The following SPCS3 variants were observed in gnomAD, a reference collection of about 807,000 sequenced individuals.
SPCS3 encodes the protein signal peptidase complex subunit 3.
A neutral mutation model predicts 17.2 loss-of-function variants in SPCS3; 9 were observed. The observed-to-expected ratio is 0.52, with a 90% CI of 0.31 to 0.91. SPCS3 has a LOEUF of 0.91. SPCS3 is among the 40% of genes least tolerant of loss of function. The pLI, the probability that SPCS3 is intolerant of heterozygous loss-of-function variation, is 0.04. For synonymous variants in SPCS3, 87 were observed against 89.6 expected (o/e 0.97, Z 0.16); for missense variants, 139 against 217.5 (o/e 0.64, Z 2.27).
intron 3 of SPCS3, chr4:176,326,815 A>T (rs1016748204): frequency 2.4e-5 from 4 of 165,814 alleles, no homozygotes; most frequent in African/African-American, 9.6e-5. Flanking sequence ...ATTTAAAAGA[A>T]TACTTCCCTT....
rs1465856923 is a variant in SPCS3 at position 176,324,444 on chromosome 4, T to C, written c.294+187T>C. 2.6e-5 allele frequency among the ~76,000 whole-genome samples: 4 copies of C among 152,100 alleles called. No homozygotes were observed. In the South Asian group the frequency reaches 8.3e-4, roughly 32 times the overall value. ...GGAGCCTTTTTGTTGTTGTTGTTGT[T>C]TGTTTGTTTGTTTTCTGTTTGTTCT... On this transcript the variant is annotated intron_variant, in intron 3 of 4. Coordinates refer to ENST00000503362, the MANE Select transcript of SPCS3 (RefSeq NM_021928.4).
rs1731510429 is a variant in SPCS3, at chr4:176,319,968, T to A, written c.-109T>A. 3.9e-6 allele frequency: 5 copies of A among 1,291,380 alleles called. No homozygotes were observed. The highest frequency in any genetic ancestry group is 3.1e-5 in the African/African-American group (2 of 64,108). The allele number at this position is 1,291,380 out of a possible 1,614,324, so 80.0% of individuals were successfully genotyped here. On this transcript the variant is annotated 5_prime_UTR_variant, in exon 1 of 5. Coordinates refer to ENST00000503362, the MANE Select transcript of SPCS3 (RefSeq NM_021928.4). ...GAGGCGGGGCTGCGGCGGCGCGCGC[T>A]CCCGGAACGCGCGCACCGCAGACGG...
Position 176,329,810 on chromosome 4 carries a change from G to A in SPCS3, c.*1480G>A, listed in dbSNP as rs1731660272. On this transcript the variant is annotated 3_prime_UTR_variant, in exon 5 of 5. Transcript: ENST00000503362. ...ACACTATTAGCAGTGACCAAAAAGGGCTAATATTTTCTAAGAATAGTTTAA... is the reference window on the plus strand; with the variant it reads ...ACACTATTAGCAGTGACCAAAAAGGACTAATATTTTCTAAGAATAGTTTAA... The A allele has an allele frequency of 6.6e-6, 1 of 151,904 alleles. No homozygotes were observed. The highest frequency in any genetic ancestry group is 2.4e-5 in the African/African-American group (1 of 41,324). 9.4% of individuals were successfully genotyped at this position (151,904 alleles called of 1,614,324 possible).
In SPCS3 at chr4:176,330,606, T is replaced by C. The variant is rs559122526; in HGVS notation, c.*2276T>C. On this transcript the variant is annotated 3_prime_UTR_variant, in exon 5 of 5. Transcript: ENST00000503362. ...ATGCTCCAACATGGGAATAAGGACC[T>C]TCAGTCTCAGGAACTCATTTTTGGG... 20 of 152,338 alleles carry C rather than the reference T, an allele frequency of 1.3e-4. No homozygotes were observed. Among genetic ancestry groups the C allele is most frequent in the Admixed American group, 4.6e-4 (7 of 15,302 alleles). The allele number at this position is 152,338 out of a possible 1,614,324, so 9.4% of individuals were successfully genotyped here.
Position 176,332,194 on chromosome 4 carries a change from G to A in SPCS3, c.*3864G>A, listed in dbSNP as rs1731701373. 1 of 152,260 alleles carries A rather than the reference G, an allele frequency of 6.6e-6. No individual in the cohort carries two copies. The highest frequency in any genetic ancestry group is 1.5e-5 in the Non-Finnish European group (1 of 68,060). 9.4% of individuals were successfully genotyped at this position (152,260 alleles called of 1,614,324 possible). A position where few individuals can be genotyped will look rare whatever the true frequency, so the allele number is the denominator to read the frequency against. On this transcript the variant is annotated 3_prime_UTR_variant, in exon 5 of 5. Transcript: ENST00000503362. Reference sequence around the variant, plus strand: ...ATCTTTGTATCTTCCCCAGCGCCTAGTGTAGTGCCTTGCACATAATAGGCG... The same window carrying A: ...ATCTTTGTATCTTCCCCAGCGCCTAATGTAGTGCCTTGCACATAATAGGCG...
chr4:176,319,985 C>A lies in SPCS3; in HGVS notation c.-92C>A. The A allele has an allele frequency of 7.4e-7, 1 of 1,358,758 alleles. No individual in the cohort carries two copies. The allele number at this position is 1,358,758 out of a possible 1,614,324, so 84.2% of individuals were successfully genotyped here. ...GCGCGCGCTCCCGGAACGCGCGCAC[C>A]GCAGACGGCGCGGATCGCAGGGAGC... On this transcript the variant is annotated 5_prime_UTR_variant, in exon 1 of 5. Transcript: ENST00000503362.
At chr4:176,322,511 G>A (rs1274819886) in intron 2 of SPCS3, among the ~76,000 whole-genome samples, 1 of 152,060 alleles carries the variant, frequency 6.6e-6, no homozygotes, top group Non-Finnish European at 1.5e-5. Context: ...GTTTGAATCT[G>A]TATTTTAGAA....
At position 176,330,539 on chromosome 4, in the gene SPCS3, G is replaced by A. The variant is rs1462554197; in HGVS notation, c.*2209G>A. 1 of 152,176 alleles carries A rather than the reference G, an allele frequency of 6.6e-6. No individual in the cohort carries two copies. The highest frequency in any genetic ancestry group is 1.5e-5 in the Non-Finnish European group (1 of 67,998). The allele number at this position is 152,176 out of a possible 1,614,324, so 9.4% of individuals were successfully genotyped here. A position where few individuals can be genotyped will look rare whatever the true frequency, so the allele number is the denominator to read the frequency against. On this transcript the variant is annotated 3_prime_UTR_variant, in exon 5 of 5. Transcript: ENST00000503362. ...GCCCAACTAGTACAATGTGGAGAAA[G>A]TTTTCTGTTTGCTTGACTAAGGGAA...
At position 176,331,245 on chromosome 4, in the gene SPCS3, A is replaced by G. The variant is rs1289786607; in HGVS notation, c.*2915A>G. Reference sequence around the variant, plus strand: ...TTTCACTATTTTTTTTTCTATCTGAAGCTTAGAGATCTAGAGCTTTGGATC... The same window carrying G: ...TTTCACTATTTTTTTTTCTATCTGAGGCTTAGAGATCTAGAGCTTTGGATC... On this transcript the variant is annotated 3_prime_UTR_variant, in exon 5 of 5. Transcript: ENST00000503362. The G allele has an allele frequency of 6.6e-6, 1 of 152,064 alleles. No individual in the cohort carries two copies. Among genetic ancestry groups the G allele is most frequent in the African/African-American group, 2.4e-5 (1 of 41,414 alleles). 9.4% of individuals were successfully genotyped at this position (152,064 alleles called of 1,614,324 possible).
At chr4:176,326,158 A>G (rs35904769) in intron 3 of SPCS3, among the ~76,000 whole-genome samples, 19,351 of 151,696 alleles carry the variant, frequency 0.13, 1,266 homozygotes, top group Middle Eastern at 0.18. Context: ...AAAATTAGCC[A>G]GGCGTAGTGG....
rs753915625 is a variant in SPCS3, at chr4:176,330,257, T to G, written c.*1927T>G. 8.5e-5 allele frequency: 13 copies of G among 152,220 alleles called. No homozygotes were observed. The highest frequency in any genetic ancestry group is 1.6e-4 in the Non-Finnish European group (11 of 68,026). The allele number at this position is 152,220 out of a possible 1,614,324, so 9.4% of individuals were successfully genotyped here. On this transcript the variant is annotated 3_prime_UTR_variant, in exon 5 of 5. Transcript: ENST00000503362. ...TACACTCTGAAAATTTCACCTCATT[T>G]AGTTTGTACAAATACTAGACATGGA... is the stretch of plus-strand genomic sequence containing the variant.
At chr4:176,323,261 T>C (rs1262378367) in intron 2 of SPCS3, among the ~76,000 whole-genome samples, 1 of 152,146 alleles carries the variant, frequency 6.6e-6, no homozygotes, top group Non-Finnish European at 1.5e-5. Context: ...AGGTCTACTG[T>C]GAGGGTAGTA....
At position 176,320,098 on chromosome 4, in the gene SPCS3, G is replaced by A. The variant is rs1207851466; in HGVS notation, c.22G>A (p.Ala8Thr). 1 of 1,571,698 alleles carries A rather than the reference G, an allele frequency of 6.4e-7. No individual in the cohort carries two copies. Among genetic ancestry groups the A allele is most frequent in the Admixed American group, 1.8e-5 (1 of 55,102 alleles). ...CGCGATGAACACGGTGCTGTCGCGG[G>A]CGAACTCACTGTTCGCCTTCTCGCT... MNTVLSR[A>T]NSLFAFSLSV... The change falls in exon 1 of 5, where the codon GCG becomes ACG. Residue 8 changes from alanine to threonine, a missense_variant. Transcript: ENST00000503362.
intron 4 of SPCS3, 42 bp from the exon 5 acceptor site, chr4:176,328,156 C>G (rs758489398): frequency 3.1e-6 from 5 of 1,597,402 alleles, no homozygotes; most frequent in Non-Finnish European, 4.3e-6. Flanking sequence ...TTTTGAACTA[C>G]TAGTGTCTCT....
intron 3 of SPCS3, 121 bp downstream of exon 3, chr4:176,324,378 C>CCAGTGCCCT: frequency 2.2e-6 from 1 of 454,580 alleles, no homozygotes; most frequent in Non-Finnish European, 3.4e-6. Flanking sequence ...ACATCACAAG[C>CCAGTGCCCT]CAGTGGAGGT....
chr4:176,325,077 G>T (rs1335978182), intron 3 of SPCS3, among the ~76,000 whole-genome samples: 3 of 141,008 alleles, frequency 2.1e-5, no homozygotes, highest in Non-Finnish European at 3.0e-5. Context: ...TTAAGACAGA[G>T]TCTCGTGCTT....
intron 2 of SPCS3, 93 bp downstream of exon 2, chr4:176,322,336 A>C: frequency 1.2e-6 from 1 of 840,696 alleles, no homozygotes; most frequent in Non-Finnish European, 1.9e-6. Flanking sequence ...TGACTATCTC[A>C]TTGAATCAGC....
chr4:176,320,338 C>A, intron 1 of SPCS3, 119 bp downstream of exon 1: 3 of 992,974 alleles, frequency 3.0e-6, no homozygotes, highest in South Asian at 4.6e-5. Context: ...CCGGATCGCC[C>A]TCCTGAGCGG....
chr4:176,327,265 G>T lies in SPCS3; in HGVS notation c.398G>T (p.Gly133Val). 1 of 1,569,214 alleles carries T rather than the reference G, an allele frequency of 6.4e-7. No homozygotes were observed. Among genetic ancestry groups the T allele is most frequent in the East Asian group, 2.3e-5 (1 of 43,380 alleles). The stretch of plus-strand genomic sequence containing the variant: ...ACAAAATATTTTTTCTTTGACGATG[G>T]AAATGGTCTCAAGTGAGCAATTCTT... ...MKTKYFFFDD[G>V]NGLKGNRNVT... Residue 133 changes from glycine (G) to valine (V), a missense_variant, in exon 4 of 5, where the codon GGA becomes GTA. Gly to Val is a moderately radical substitution (Grantham distance 109). Coordinates refer to ENST00000503362, the MANE Select transcript of SPCS3 (RefSeq NM_021928.4).
Sources: gnomAD v4.1 joint callset for allele counts (sites outside exome capture counted in the v4.1 genomes callset) on GRCh38, gnomAD v4.1.1 for gene constraint, MANE v1.5 for transcripts, NCBI Gene and HGNC (gene_info 2026-07-23, HGNC 2026-07-21) for gene names.